The following NDUFS1 variants were observed in gnomAD, a reference collection of about 807,000 sequenced individuals.
The protein encoded by NDUFS1 is NADH-ubiquinone oxidoreductase 75 kDa subunit, mitochondrial.
In NDUFS1, 61 loss-of-function variants were observed where a neutral mutation model predicts 84.4. That is an observed-to-expected ratio of 0.72 (90% CI 0.59 to 0.89). The LOEUF (loss-of-function observed/expected upper bound fraction) is 0.89. Among genes scored for constraint, NDUFS1 ranks in the 40% least tolerant of loss-of-function variants. The probability of loss-of-function intolerance (pLI) is 0.00; values close to 1 mark genes in which losing one functional copy is unlikely to be tolerated. For missense variants in NDUFS1, 891 were observed against 890.0 expected, an observed-to-expected ratio of 1.00 and a Z score of -0.01; for synonymous variants, 275 against 290.0, an observed-to-expected ratio of 0.95 and a Z score of 0.53.
chr2:206,140,110 C>T (rs1324547911), intron 12 of NDUFS1, among the ~76,000 whole-genome samples: 1 of 152,060 alleles, frequency 6.6e-6, no homozygotes. Context: ...TTTCAGAGGC[C>T]AAGGCAGGAG....
Position 206,159,340 on chromosome 2 carries a change from C to T in NDUFS1, c.-5+1G>A. 1 of 608,094 alleles carries T rather than the reference C, an allele frequency of 1.6e-6. No individual in the cohort carries two copies. The highest frequency in any genetic ancestry group is 2.9e-6 in the Non-Finnish European group (1 of 342,304). The allele number at this position is 608,094 out of a possible 1,614,324, so 37.7% of individuals were successfully genotyped here. ...CCCTTCCCATCCATACAAGACCTCA[C>T]CTTCTCCCCGGAGCCGCGGAGGCTG... On this transcript the variant is annotated splice_donor_variant, in intron 1 of 18. Coordinates refer to ENST00000233190, the MANE Select transcript of NDUFS1 (RefSeq NM_005006.7). LOFTEE classifies it low-confidence loss of function (5UTR_SPLICE).
chr2:206,117,565 C>G lies in NDUFS1; in HGVS notation c.*6620G>C, dbSNP rs1320061031. 1 of 152,268 alleles carries G rather than the reference C, an allele frequency of 6.6e-6. No homozygotes were observed. The highest frequency in any genetic ancestry group is 2.4e-5 in the African/African-American group (1 of 41,460). The allele number at this position is 152,268 out of a possible 1,614,324, so 9.4% of individuals were successfully genotyped here. On this transcript the variant is annotated 3_prime_UTR_variant, in exon 19 of 19. Coordinates refer to ENST00000233190, the MANE Select transcript of NDUFS1 (RefSeq NM_005006.7). Reference sequence around the variant, plus strand: ...TTCTCTGACTCAGCCTCCAGAGTAGCTGGGATTACAGGTGTCTTGCCACCA... The same window carrying G: ...TTCTCTGACTCAGCCTCCAGAGTAGGTGGGATTACAGGTGTCTTGCCACCA...
Position 206,115,205 on chromosome 2 carries a change from G to A in NDUFS1, c.*8980C>T, listed in dbSNP as rs190285730. The A allele has an allele frequency of 6.6e-6, 1 of 152,368 alleles. No individual in the cohort carries two copies. Among genetic ancestry groups the A allele is most frequent in the Non-Finnish European group, 1.5e-5 (1 of 68,106 alleles). The allele number at this position is 152,368 out of a possible 1,614,324, so 9.4% of individuals were successfully genotyped here. On this transcript the variant is annotated 3_prime_UTR_variant, in exon 19 of 19. Transcript: ENST00000233190. Reference sequence around the variant, plus strand: ...CTGGAACAAGTTAAGACTTTTTAGGGGCTATTGGGATGGAATGAATTTATT... The same window carrying A: ...CTGGAACAAGTTAAGACTTTTTAGGAGCTATTGGGATGGAATGAATTTATT...
chr2:206,144,163 T>C (rs998272861), intron 9 of NDUFS1, 31 bp from the exon 10 acceptor site: 10 of 1,501,714 alleles, frequency 6.7e-6, no homozygotes, highest in South Asian at 2.3e-5. Context: ...CATTGTGGAA[T>C]CTTGCTAAAG....
intron 2 of NDUFS1, among the ~76,000 whole-genome samples, chr2:206,153,343 G>A (rs1055152513): frequency 3.3e-5 from 5 of 151,750 alleles, no homozygotes; most frequent in African/African-American, 1.2e-4. Context: ...TTACAGGTGT[G>A]CCCCACCATG....
chr2:206,143,216 C>T lies in NDUFS1; in HGVS notation c.988-385G>A, dbSNP rs1692031007. Among the ~76,000 whole-genome samples the T allele has an allele frequency of 2.0e-5, 3 of 152,162 alleles. No homozygotes were observed. The South Asian group carries it at 6.2e-4, about 32-fold the overall frequency. On this transcript the variant is annotated intron_variant, in intron 10 of 18. Transcript: ENST00000233190. ...GCAGTGACCCGAGATCGAGATCGCG[C>T]CACCGCACTCCAGCCTGGGCGACAA...
Position 206,150,144 on chromosome 2 carries a change from G to A in NDUFS1, c.154-219C>T, listed in dbSNP as rs10169038. Among the ~76,000 whole-genome samples the A allele has an allele frequency of 0.026, 3,981 of 152,072 alleles. 176 individuals carry two copies. Among genetic ancestry groups the A allele is most frequent in the African/African-American group, 0.091 (3,784 of 41,430 alleles). On this transcript the variant is annotated intron_variant, in intron 3 of 18. Coordinates refer to ENST00000233190, the MANE Select transcript of NDUFS1 (RefSeq NM_005006.7). ...CTCAGAGGATCTCAGGATCCTTGGCGTGACTTCACCTTATGTGGAAGAAAC... is the reference window on the plus strand; with the variant it reads ...CTCAGAGGATCTCAGGATCCTTGGCATGACTTCACCTTATGTGGAAGAAAC...
Position 206,142,795 on chromosome 2 carries a change from C to T in NDUFS1, c.1024G>A (p.Ala342Thr). ...SFQGKDVAAIAGGLVDAEALV... is the reference protein window; with the variant it reads ...SFQGKDVAAITGGLVDAEALV... ...GCTTCAGCATCCACCAAGCCACCTG[C>T]AATTGCTGCCACATCTTTGCCTTGA... Residue 342 changes from alanine to threonine, a missense_variant, in exon 11 of 19, where the codon GCA (alanine) becomes ACA (threonine). Coordinates refer to ENST00000233190, the MANE Select transcript of NDUFS1 (RefSeq NM_005006.7). 1 of 1,614,164 alleles carries T rather than the reference C, an allele frequency of 6.2e-7. No homozygotes were observed. The highest frequency in any genetic ancestry group is 8.5e-7 in the Non-Finnish European group (1 of 1,180,036).
rs1330873364 is a variant in NDUFS1, at chr2:206,153,643, G to A, written c.36C>T (p.Gly12=). The stretch of plus-strand genomic sequence containing the variant: ...CACATCCTTTAGGAGACTTAGAAAG[G>A]CCTACTAAGGCCTTTCTTACAGGTA... The part of the protein sequence containing the change: ...LRIPVRKALV[G]LSKSPKGCVR... The change falls in exon 2 of 19, where the codon GGC becomes GGT. Residue 12 remains glycine, a synonymous_variant. Transcript: ENST00000233190. The A allele has an allele frequency of 6.5e-6, 10 of 1,544,860 alleles. No individual in the cohort carries two copies. Among genetic ancestry groups the A allele is most frequent in the South Asian group, 1.1e-5 (1 of 88,966 alleles).
At chr2:206,153,227 G>A (rs1311305856) in intron 2 of NDUFS1, among the ~76,000 whole-genome samples, 3 of 144,830 alleles carry the variant, frequency 2.1e-5, no homozygotes, top group South Asian at 4.3e-4. Flanking sequence ...ATGGAGTCTC[G>A]ATCTATCTCC....
At chr2:206,154,891 G>A (rs977745589) in intron 1 of NDUFS1, among the ~76,000 whole-genome samples, 1 of 150,704 alleles carries the variant, frequency 6.6e-6, no homozygotes, top group African/African-American at 2.4e-5. Context: ...CCAAAGTGTT[G>A]GGGTTAAGGC....
At chr2:206,127,764 T>G in intron 16 of NDUFS1, 33 bp downstream of exon 16, 2 of 1,607,944 alleles carry the variant, frequency 1.2e-6, no homozygotes, top group East Asian at 2.2e-5. Flanking sequence ...ATGCCTTTAG[T>G]AGCATCACTA....
At chr2:206,130,065 C>G in intron 15 of NDUFS1, 23 bp downstream of exon 15, 1 of 1,613,512 alleles carries the variant, frequency 6.2e-7, no homozygotes. Context: ...TCTTTTGTTT[C>G]TGGTGTCACA....
rs138098713 is a variant in NDUFS1 at position 206,153,627 on chromosome 2, T to C, written c.52A>G (p.Lys18Glu). ...TTAAGAAAATACTCACCACATCCTT[T>C]AGGAGACTTAGAAAGGCCTACTAAG... ...KALVGLSKSPKGCVRTTATAA... is the reference protein window; with the variant it reads ...KALVGLSKSPEGCVRTTATAA... Residue 18 changes from lysine (K) to glutamate (E), a missense_variant, in exon 2 of 19, where the codon AAA (lysine) becomes GAA (glutamate). Lys to Glu is a moderately conservative substitution (Grantham distance 56). Transcript: ENST00000233190. 6.5e-6 allele frequency: 10 copies of C among 1,541,404 alleles called. No individual in the cohort carries two copies. In the African/African-American group the frequency reaches 6.8e-5, roughly 11 times the overall value.
chr2:206,158,699 C>T (rs1410636694), intron 1 of NDUFS1, among the ~76,000 whole-genome samples: 1 of 152,246 alleles, frequency 6.6e-6, no homozygotes, highest in Non-Finnish European at 1.5e-5. Context: ...CGTGTGTGAA[C>T]AGAGTTGTGT....
At chr2:206,157,538 A>G (rs1323223017) in intron 1 of NDUFS1, among the ~76,000 whole-genome samples, 1 of 152,158 alleles carries the variant, frequency 6.6e-6, no homozygotes, top group Non-Finnish European at 1.5e-5. Flanking sequence ...ATAAACCTAA[A>G]CTTACTCCAT....
chr2:206,142,657 A>T, intron 11 of NDUFS1, 29 bp downstream of exon 11: 1 of 1,613,422 alleles, frequency 6.2e-7, no homozygotes, highest in Non-Finnish European at 8.5e-7. Flanking sequence ...AAGAAAGGAA[A>T]GCCTAGATCC....
chr2:206,134,985 T>C (rs1691654527), intron 13 of NDUFS1, among the ~76,000 whole-genome samples: 1 of 151,870 alleles, frequency 6.6e-6, no homozygotes, highest in African/African-American at 2.4e-5. Context: ...AATACATATA[T>C]AGAAAAGAAG....
intron 12 of NDUFS1, among the ~76,000 whole-genome samples, chr2:206,140,216 G>A (rs1262583385): frequency 6.6e-6 from 1 of 152,062 alleles, no homozygotes; most frequent in Non-Finnish European, 1.5e-5. Flanking sequence ...GGGCATGGTG[G>A]TGCATGCCTG....
Sources: allele counts gnomAD v4.1 joint callset (sites outside exome capture counted in the v4.1 genomes callset), GRCh38; gene constraint gnomAD v4.1.1; transcripts MANE v1.5; gene names NCBI Gene and HGNC (gene_info 2026-07-23, HGNC 2026-07-21).